The following GAD1 variants were observed in gnomAD, a reference collection of about 807,000 sequenced individuals.
The protein encoded by GAD1 is glutamate decarboxylase 1.
Under a neutral mutation model 75.2 loss-of-function variants are expected in GAD1, and 35 were observed. The observed-to-expected ratio is 0.47, with a 90% CI of 0.36 to 0.62. GAD1 has a LOEUF of 0.62. Ranked by LOEUF, GAD1 falls within the 20% of genes least tolerant of loss-of-function variation. GAD1 has a pLI of 0.00. For missense variants in GAD1, 490 were observed against 758.5 expected (o/e 0.65, Z 4.16); for synonymous variants, 257 against 271.9 (o/e 0.95, Z 0.54).
At chr2:170,832,650 A>ATG (rs1428342846) in intron 5 of GAD1, among the ~76,000 whole-genome samples, 1 of 124,378 alleles carries the variant, frequency 8.0e-6, no homozygotes, top group Non-Finnish European at 1.7e-5. Context: ...ACAGGCACAC[A>ATG]TGCGCGCGCG....
In GAD1 at chr2:170,847,669, C is replaced by T; in HGVS notation, c.1003-7C>T. 6.3e-7 allele frequency: 1 copy of T among 1,582,110 alleles called. No individual in the cohort carries two copies. Among genetic ancestry groups the T allele is most frequent in the Non-Finnish European group, 8.7e-7 (1 of 1,150,818 alleles). ...ACTCATCAGCCTATATCTGTCTTAC[C>T]TTGTAGGGATATGTTCCCTTTTATG... is the stretch of plus-strand genomic sequence containing the variant. On this transcript the variant is annotated splice_region_variant and splice_polypyrimidine_tract_variant and intron_variant, in intron 10 of 16. Coordinates refer to ENST00000358196, the MANE Select transcript of GAD1 (RefSeq NM_000817.3).
At position 170,860,286 on chromosome 2, in the gene GAD1, A is replaced by AGG; in HGVS notation, c.*407_*408dup. 4.9e-6 allele frequency: 1 copy of AGG among 205,372 alleles called. No homozygotes were observed. The allele number at this position is 205,372 out of a possible 1,614,324, so 12.7% of individuals were successfully genotyped here. The stretch of plus-strand genomic sequence containing the variant: ...ACTGTTTTTCAAAACGCCATGTCCT[A>AGG]GGGGCCGAGGGAAATGCTGTTGGTG... On this transcript the variant is annotated 3_prime_UTR_variant, in exon 17 of 17. Coordinates refer to ENST00000358196, the MANE Select transcript of GAD1 (RefSeq NM_000817.3).
At chr2:170,833,016 C>G (rs1702281593) in intron 5 of GAD1, among the ~76,000 whole-genome samples, 1 of 152,226 alleles carries the variant, frequency 6.6e-6, no homozygotes, top group African/African-American at 2.4e-5. Context: ...GCAGACAGAT[C>G]TAGAATAATT....
At chr2:170,841,635 A>G (rs1338756095) in intron 6 of GAD1, among the ~76,000 whole-genome samples, 1 of 152,256 alleles carries the variant, frequency 6.6e-6, no homozygotes, top group Non-Finnish European at 1.5e-5. Context: ...CACAGATTGT[A>G]AACATGGCCC....
intron 14 of GAD1, among the ~76,000 whole-genome samples, chr2:170,856,798 T>C (rs550918920): frequency 4.2e-4 from 64 of 152,318 alleles, no homozygotes; most frequent in African/African-American, 1.4e-3. Context: ...TGAGAATAAC[T>C]ACCCAGAGAC....
intron 3 of GAD1, among the ~76,000 whole-genome samples, chr2:170,823,553 C>A (rs543556777): frequency 7.8e-4 from 119 of 152,286 alleles, no homozygotes; most frequent in African/African-American, 2.6e-3. Flanking sequence ...CTCCCCAGCG[C>A]AGGACGCCCG....
Position 170,842,857 on chromosome 2 carries a change from G to A in GAD1, c.639-1188G>A, listed in dbSNP as rs1321365993. ...CAATTAAAACTTAGTAGCTTCACCT[G>A]TGTCTTATGTAAAACAATAGTTATC... On this transcript the variant is annotated intron_variant, in intron 6 of 16. Coordinates refer to ENST00000358196, the MANE Select transcript of GAD1 (RefSeq NM_000817.3). 3.8e-6 allele frequency: 3 copies of A among 791,236 alleles called. No individual in the cohort carries two copies. The African/African-American group carries it at 5.3e-5, about 14-fold the overall frequency. The allele number at this position is 791,236 out of a possible 1,614,324, so 49.0% of individuals were successfully genotyped here. A position where few individuals can be genotyped will look rare whatever the true frequency, so the allele number is the denominator to read the frequency against.
rs370649454 is a variant in GAD1, at chr2:170,831,594, A to ATGTGTGTGTGTG, written c.547+432_547+443dup. ...ACATGGCGAAACCTTGTCTCTACAT[A>ATGTGTGTGTGTG]TGTGTGTGTGTGTGTGTGTGTGTGT... On this transcript the variant is annotated intron_variant, in intron 5 of 16. Coordinates refer to ENST00000358196, the MANE Select transcript of GAD1 (RefSeq NM_000817.3). 2.1e-3 allele frequency among the ~76,000 whole-genome samples: 256 copies of ATGTGTGTGTGTG among 122,762 alleles called. 1 individual carries two copies. The highest frequency in any genetic ancestry group is 0.012 in the Middle Eastern group (3 of 244). 80.5% of individuals were successfully genotyped at this position (122,762 alleles called of 152,430 possible). A position where few individuals can be genotyped will look rare whatever the true frequency, so the allele number is the denominator to read the frequency against.
rs562093694 is a variant in GAD1 at position 170,829,809 on chromosome 2, G to A, written c.304+176G>A. On this transcript the variant is annotated intron_variant, in intron 4 of 16. Coordinates refer to ENST00000358196, the MANE Select transcript of GAD1 (RefSeq NM_000817.3). ...ATAATTGACTCCCTCCCTCCCTGCT[G>A]GCCAGGTCTCCATCATTTTGGAAAC... 4 of 679,282 alleles carry A rather than the reference G, an allele frequency of 5.9e-6. No homozygotes were observed. The African/African-American group carries it at 7.2e-5, about 12-fold the overall frequency. The allele number at this position is 679,282 out of a possible 1,614,324, so 42.1% of individuals were successfully genotyped here. A position where few individuals can be genotyped will look rare whatever the true frequency, so the allele number is the denominator to read the frequency against.
Position 170,845,732 on chromosome 2 carries a change from G to A in GAD1, c.894G>A (p.Gly298=). The A allele has an allele frequency of 6.2e-7, 1 of 1,614,154 alleles. No individual in the cohort carries two copies. The highest frequency in any genetic ancestry group is 8.5e-7 in the Non-Finnish European group (1 of 1,180,036). ...EQSHYSIKKA[G]AALGFGTDNV... The stretch of plus-strand genomic sequence containing the variant: ...GTCACTATTCCATAAAGAAAGCTGG[G>A]GCTGCACTTGGCTTTGGAACTGACA... Residue 298 remains glycine, a synonymous_variant, in exon 9 of 17, where the codon GGG becomes GGA. Transcript: ENST00000358196.
At chr2:170,832,574 A>G (rs949388057) in intron 5 of GAD1, among the ~76,000 whole-genome samples, 68 of 152,144 alleles carry the variant, frequency 4.5e-4, no homozygotes, top group African/African-American at 1.6e-3. Context: ...GAGGAACACA[A>G]TTCAACCCAT....
chr2:170,827,511 C>T (rs1032458974), intron 3 of GAD1, among the ~76,000 whole-genome samples: 12 of 152,218 alleles, frequency 7.9e-5, no homozygotes, highest in Non-Finnish European at 1.5e-4. Flanking sequence ...GTGTGCTCCA[C>T]GCTGGCAGGT....
chr2:170,821,815 T>G, intron 2 of GAD1: 3 of 491,604 alleles, frequency 6.1e-6, no homozygotes, highest in Non-Finnish European at 1.1e-5. Flanking sequence ...CGGGCGGGGG[T>G]CGCTTACGGG....
At chr2:170,845,839 G>GATGTA in intron 9 of GAD1, 54 bp downstream of exon 9, 1 of 1,565,686 alleles carries the variant, frequency 6.4e-7, no homozygotes, top group Non-Finnish European at 8.8e-7. Flanking sequence ...GTGTTCATCT[G>GATGTA]TTAAATTTGT....
rs1389476958 is a variant in GAD1 at position 170,860,213 on chromosome 2, G to A, written c.*331G>A. Reference sequence around the variant, plus strand: ...ATTCACTTTACCTTCAGCAGTTACCGAGGAGCTAAACATGCTGCCAACCAG... The same window carrying A: ...ATTCACTTTACCTTCAGCAGTTACCAAGGAGCTAAACATGCTGCCAACCAG... On this transcript the variant is annotated 3_prime_UTR_variant, in exon 17 of 17. Transcript: ENST00000358196. 8 of 249,810 alleles carry A rather than the reference G, an allele frequency of 3.2e-5. No individual in the cohort carries two copies. Among genetic ancestry groups the A allele is most frequent in the African/African-American group, 1.1e-4 (5 of 44,422 alleles). The allele number at this position is 249,810 out of a possible 1,614,324, so 15.5% of individuals were successfully genotyped here.
chr2:170,844,349 TA>T (rs560802377), intron 7 of GAD1, among the ~76,000 whole-genome samples, 192 bp downstream of exon 7: 1 of 151,998 alleles, frequency 6.6e-6, no homozygotes, highest in Admixed American at 6.6e-5. Context: ...CTTAAATCTG[TA>T]AAAACTGACA....
At chr2:170,852,984 C>T (rs1211840466) in intron 13 of GAD1, 192 bp downstream of exon 13, 5 of 662,250 alleles carry the variant, frequency 7.6e-6, no homozygotes, top group Non-Finnish European at 1.4e-5. Context: ...TTGCTGGCTA[C>T]TGTGCTTCTT....
chr2:170,831,938 C>T (rs1415997897), intron 5 of GAD1, among the ~76,000 whole-genome samples: 1 of 151,522 alleles, frequency 6.6e-6, no homozygotes, highest in Non-Finnish European at 1.5e-5. Context: ...TGCACTCCAG[C>T]CTGGGCAATA....
At position 170,844,054 on chromosome 2, in the gene GAD1, T is replaced by A. The variant is rs756971067; in HGVS notation, c.648T>A (p.Tyr216Ter). 6.3e-7 allele frequency: 1 copy of A among 1,582,160 alleles called. No homozygotes were observed. Among genetic ancestry groups the A allele is most frequent in the Non-Finnish European group, 8.7e-7 (1 of 1,151,014 alleles). ...CTTACCACCTTTCCAGGTTTACATA[T>A]GAAATTGCACCAGTGTTTGTCCTCA... is the stretch of plus-strand genomic sequence containing the variant. ...TSTANTNMFT[Y>*]EIAPVFVLME... The change falls in exon 7 of 17, where the codon TAT becomes TAA. Residue 216 changes from tyrosine (Y) to a stop codon, truncating the protein, a stop_gained. Coordinates refer to ENST00000358196, the MANE Select transcript of GAD1 (RefSeq NM_000817.3). LOFTEE classifies it high-confidence loss of function.
Sources: gnomAD v4.1 joint callset for allele counts (sites outside exome capture counted in the v4.1 genomes callset) on GRCh38, gnomAD v4.1.1 for gene constraint, MANE v1.5 for transcripts, NCBI Gene and HGNC (gene_info 2026-07-23, HGNC 2026-07-21) for gene names.